The following RBFOX1 variants were observed in gnomAD, a reference collection of about 807,000 sequenced individuals.
The protein encoded by RBFOX1 is RNA binding fox-1 homolog 1, also known as RNA binding protein fox-1 homolog 1.
RBFOX1 carries 8 observed loss-of-function variants against 57.7 expected under a neutral mutation model. That is an observed-to-expected ratio of 0.14 (90% CI 0.08 to 0.25). The LOEUF (loss-of-function observed/expected upper bound fraction) is 0.25. Among genes scored for constraint, RBFOX1 ranks in the 10% least tolerant of loss-of-function variants. The pLI, the probability that RBFOX1 is intolerant of heterozygous loss-of-function variation, is 1.00. For missense variants in RBFOX1, 611 were observed against 548.5 expected (o/e 1.11, Z -1.14); for synonymous variants, 326 against 222.4 (o/e 1.47, Z -4.15).
chr16:5,651,954 G>A (rs989968841), intron 3 of RBFOX1, among the ~76,000 whole-genome samples: 1 of 152,112 alleles, frequency 6.6e-6, no homozygotes, highest in African/African-American at 2.4e-5. Context: ...CCAACATGGA[G>A]AAACCCCATT....
intron 4 of RBFOX1, among the ~76,000 whole-genome samples, chr16:7,456,027 G>C (rs1028048527): frequency 6.6e-6 from 1 of 152,088 alleles, no homozygotes; most frequent in East Asian, 1.9e-4. Flanking sequence ...GCATGGTCAT[G>C]CAGGGCCCCA....
At chr16:7,272,044 G>C (rs947646238) in intron 4 of RBFOX1, among the ~76,000 whole-genome samples, 1 of 152,204 alleles carries the variant, frequency 6.6e-6, no homozygotes, top group African/African-American at 2.4e-5. Flanking sequence ...TTTGCAGAGA[G>C]AGTGATAGCG....
intron 1 of RBFOX1, among the ~76,000 whole-genome samples, chr16:6,254,324 A>G (rs1419540348): frequency 6.6e-6 from 1 of 152,192 alleles, no homozygotes; most frequent in Non-Finnish European, 1.5e-5. Context: ...ATAAATATCT[A>G]TCTACATAAG....
rs528159536 is a variant in RBFOX1, at chr16:6,269,847, TC to T, written c.-126-47147del. 1.7e-3 allele frequency among the ~76,000 whole-genome samples: 260 copies of T among 152,322 alleles called. 1 individual carries two copies. Among genetic ancestry groups the T allele is most frequent in the African/African-American group, 5.8e-3 (243 of 41,594 alleles). ...GATAAATTTTCCTTCTCTGGTGTTT[TC>T]AAAATTATGCTTTATCTTTAAGCAA... On this transcript the variant is annotated intron_variant, in intron 1 of 15. Coordinates refer to ENST00000550418, the MANE Select transcript of RBFOX1 (RefSeq NM_018723.4).
intron 2 of RBFOX1, among the ~76,000 whole-genome samples, chr16:6,426,649 A>G (rs1211021615): frequency 6.6e-6 from 1 of 151,808 alleles, no homozygotes; most frequent in African/African-American, 2.4e-5. Context: ...AAACAAACCT[A>G]CTCCTTCTCA....
intron 14 of RBFOX1, among the ~76,000 whole-genome samples, chr16:7,688,937 C>A (rs3826206): frequency 2.0e-5 from 3 of 151,862 alleles, no homozygotes; most frequent in East Asian, 1.9e-4. Flanking sequence ...TTAAATACCC[C>A]CTACGTGAAT....
chr16:5,915,087 G>T (rs1482684115), intron 4 of RBFOX1, among the ~76,000 whole-genome samples: 1 of 152,110 alleles, frequency 6.6e-6, no homozygotes, highest in Non-Finnish European at 1.5e-5. Flanking sequence ...AGAACACCAG[G>T]AGGTGGAAAC....
At chr16:6,920,573 A>T (rs915055117) in intron 3 of RBFOX1, among the ~76,000 whole-genome samples, 5 of 152,164 alleles carry the variant, frequency 3.3e-5, no homozygotes, top group African/African-American at 1.2e-4. Context: ...AATTTATTCC[A>T]TTACTGTTTG....
chr16:7,255,601 G>A (rs1217252726), intron 4 of RBFOX1, among the ~76,000 whole-genome samples: 9 of 151,988 alleles, frequency 5.9e-5, no homozygotes, highest in Non-Finnish European at 1.5e-5. Flanking sequence ...ATGCATGGGC[G>A]TATCCCTAAG....
intron 1 of RBFOX1, among the ~76,000 whole-genome samples, chr16:6,066,836 G>C (rs2095770713): frequency 1.3e-5 from 2 of 152,148 alleles, no homozygotes; most frequent in South Asian, 4.1e-4. Context: ...CAGAGGTAGA[G>C]ACATGGGCTT....
At chr16:6,112,702 C>G (rs1010567692) in intron 1 of RBFOX1, among the ~76,000 whole-genome samples, 1 of 152,128 alleles carries the variant, frequency 6.6e-6, no homozygotes, top group Non-Finnish European at 1.5e-5. Flanking sequence ...AAAAAAACAC[C>G]TGGAGCAAGT....
At chr16:5,908,965 C>G (rs1235196076) in intron 4 of RBFOX1, among the ~76,000 whole-genome samples, 4 of 152,046 alleles carry the variant, frequency 2.6e-5, no homozygotes, top group African/African-American at 9.7e-5. Flanking sequence ...CACCAAACAC[C>G]AAATCTGCTA....
intron 3 of RBFOX1, among the ~76,000 whole-genome samples, chr16:6,979,249 C>T (rs76938936): frequency 6.6e-6 from 1 of 152,102 alleles, no homozygotes; most frequent in Non-Finnish European, 1.5e-5. Context: ...GAGAAAAATA[C>T]AGTTAAATAG....
chr16:7,120,217 G>C (rs191755203), intron 4 of RBFOX1, among the ~76,000 whole-genome samples: 161 of 152,120 alleles, frequency 1.1e-3, no homozygotes, highest in African/African-American at 3.8e-3. Flanking sequence ...AATGCTAAGT[G>C]CTTCTATTAG....
chr16:6,030,275 G>C lies in RBFOX1; in HGVS notation c.-127+10283G>C, dbSNP rs982118644. Among the ~76,000 whole-genome samples the C allele has an allele frequency of 5.9e-5, 9 of 152,248 alleles. No individual in the cohort carries two copies. In the East Asian group the frequency reaches 1.5e-3, roughly 26 times the overall value. ...TATTACTGTGTTAGCTTTGGTTTCA[G>C]GATCAGAAAGAGTTTGTCCTTTCTT... is the stretch of plus-strand genomic sequence containing the variant. On this transcript the variant is annotated intron_variant, in intron 1 of 15. Coordinates refer to ENST00000550418, the MANE Select transcript of RBFOX1 (RefSeq NM_018723.4).
chr16:7,067,501 T>G (rs532484752), intron 4 of RBFOX1, among the ~76,000 whole-genome samples: 1 of 152,018 alleles, frequency 6.6e-6, no homozygotes, highest in African/African-American at 2.4e-5. Context: ...CCTGTAGTTG[T>G]AGAACTGAGG....
At chr16:7,505,581 G>C (rs1010555150) in intron 4 of RBFOX1, among the ~76,000 whole-genome samples, 3 of 152,224 alleles carry the variant, frequency 2.0e-5, no homozygotes, top group African/African-American at 7.2e-5. Context: ...CTTTTAAAGA[G>C]TTGAGAAAAA....
At chr16:5,756,248 A>AAAAAAAAAAG in intron 3 of RBFOX1, among the ~76,000 whole-genome samples, 1 of 137,496 alleles carries the variant, frequency 7.3e-6, no homozygotes, top group South Asian at 2.3e-4. Context: ...AAAAAAAAAA[A>AAAAAAAAAAG]CCCTGCACCA....
At chr16:7,246,876 C>G (rs1474866428) in intron 4 of RBFOX1, among the ~76,000 whole-genome samples, 1 of 152,110 alleles carries the variant, frequency 6.6e-6, no homozygotes, top group African/African-American at 2.4e-5. Flanking sequence ...CCAGTTCTGC[C>G]ATCCACGAGA....
Sources: gnomAD v4.1 joint callset for allele counts (sites outside exome capture counted in the v4.1 genomes callset) on GRCh38, gnomAD v4.1.1 for gene constraint, MANE v1.5 for transcripts, NCBI Gene and HGNC (gene_info 2026-07-23, HGNC 2026-07-21) for gene names.